CWC27: variants seen among roughly 807,000 people sequenced by gnomAD.
CWC27 encodes CWC27 spliceosome associated cyclophilin.
CWC27 carries 47 observed loss-of-function variants against 63.6 expected under a neutral mutation model. The ratio of observed to expected loss-of-function variants is 0.74; its 90% CI spans 0.58 to 0.94. The LOEUF (loss-of-function observed/expected upper bound fraction) is 0.94. CWC27 is among the 40% of genes least tolerant of loss of function. The probability of loss-of-function intolerance (pLI) is 0.00; values close to 1 mark genes in which losing one functional copy is unlikely to be tolerated. For missense variants in CWC27, 495 were observed against 554.3 expected (o/e 0.89, Z 1.07); for synonymous variants, 175 against 179.8 (o/e 0.97, Z 0.22).
intron 11 of CWC27, among the ~76,000 whole-genome samples, chr5:64,933,597 A>T (rs1315392129): frequency 6.7e-6 from 1 of 149,014 alleles, no homozygotes; most frequent in Non-Finnish European, 1.5e-5. Context: ...GGTTCAAGCT[A>T]TTCTTCTGCC....
At chr5:64,864,181 G>A (rs1406525604) in intron 10 of CWC27, among the ~76,000 whole-genome samples, 1 of 152,092 alleles carries the variant, frequency 6.6e-6, no homozygotes, top group Non-Finnish European at 1.5e-5. Context: ...TCTTTTATGA[G>A]TATTATTTAT....
At chr5:64,913,966 G>A (rs760042116) in intron 11 of CWC27, among the ~76,000 whole-genome samples, 2 of 152,068 alleles carry the variant, frequency 1.3e-5, no homozygotes, top group Non-Finnish European at 2.9e-5. Context: ...GACAGTGTGG[G>A]ATTGATATGA....
intron 13 of CWC27, among the ~76,000 whole-genome samples, chr5:65,016,909 G>C (rs941668664): frequency 2.0e-5 from 3 of 152,162 alleles, no homozygotes; most frequent in South Asian, 4.1e-4. Flanking sequence ...TCATCTGAAA[G>C]TTACAACAGG....
Position 64,786,644 on chromosome 5 carries a change from G to C in CWC27, c.599+17G>C, listed in dbSNP as rs1186712922. The C allele has an allele frequency of 7.0e-7, 1 of 1,425,000 alleles. No homozygotes were observed. Among genetic ancestry groups the C allele is most frequent in the African/African-American group, 1.5e-5 (1 of 68,546 alleles). The allele number at this position is 1,425,000 out of a possible 1,614,324, so 88.3% of individuals were successfully genotyped here. On this transcript the variant is annotated intron_variant, in intron 6 of 13. Transcript: ENST00000381070. ...AGGCACAAAGTAATCATAGTGGAGA[G>C]ATTTTTCTTCAGCTTGAAAAATGAC...
At chr5:64,779,216 G>A (rs1164825240) in intron 2 of CWC27, among the ~76,000 whole-genome samples, 2 of 152,112 alleles carry the variant, frequency 1.3e-5, no homozygotes, top group Non-Finnish European at 2.9e-5. Context: ...CAAGAAATCT[G>A]GTGAAATCTT....
At chr5:64,802,426 G>A (rs909699420) in intron 9 of CWC27, among the ~76,000 whole-genome samples, 3 of 152,186 alleles carry the variant, frequency 2.0e-5, no homozygotes, top group African/African-American at 7.2e-5. Context: ...TTCCTAAAAG[G>A]AAGTGAGGAA....
intron 11 of CWC27, among the ~76,000 whole-genome samples, chr5:64,934,688 A>G (rs1454535614): frequency 1.3e-5 from 2 of 152,206 alleles, no homozygotes; most frequent in Non-Finnish European, 2.9e-5. Flanking sequence ...ACTGTCTTCC[A>G]CAATGGTTGA....
In CWC27 at chr5:64,857,047, C is replaced by T. The variant is rs574328931; in HGVS notation, c.939-28396C>T. 1.6e-4 allele frequency among the ~76,000 whole-genome samples: 24 copies of T among 152,232 alleles called. No homozygotes were observed. The East Asian group carries it at 4.2e-3, about 27-fold the overall frequency. On this transcript the variant is annotated intron_variant, in intron 10 of 13. Transcript: ENST00000381070. ...TTTACTGCATCTTCTAGCCCATTCT[C>T]CCTGAAAAGGTACCATATTGGAGAT...
chr5:64,928,914 A>T (rs2112399633), intron 11 of CWC27, among the ~76,000 whole-genome samples: 1 of 152,172 alleles, frequency 6.6e-6, no homozygotes, highest in East Asian at 1.9e-4. Flanking sequence ...TCCACAAGGG[A>T]TGTGGAAAGA....
chr5:64,816,882 T>C (rs932480230), intron 10 of CWC27, among the ~76,000 whole-genome samples: 7 of 152,100 alleles, frequency 4.6e-5, no homozygotes, highest in Non-Finnish European at 1.5e-5. Context: ...GTCATATCAC[T>C]TTGCAACACC....
chr5:64,776,753 T>C (rs1483641199), intron 2 of CWC27, among the ~76,000 whole-genome samples: 1 of 152,122 alleles, frequency 6.6e-6, no homozygotes, highest in Non-Finnish European at 1.5e-5. Context: ...TTTCTAGATC[T>C]TGAAACACTC....
At chr5:64,986,704 C>T (rs7712745) in intron 13 of CWC27, among the ~76,000 whole-genome samples, 7,227 of 152,002 alleles carry the variant, frequency 0.048, 411 homozygotes, top group African/African-American at 0.13. Context: ...GGACTGGGCC[C>T]CCAGGAGTTT....
chr5:64,853,468 T>A (rs56189716), intron 10 of CWC27, among the ~76,000 whole-genome samples: 58,294 of 152,066 alleles, frequency 0.38, 12,011 homozygotes, highest in African/African-American at 0.53. Context: ...ATTATGGTAA[T>A]ATACATATAA....
At chr5:64,892,767 T>C (rs1314375268) in intron 11 of CWC27, among the ~76,000 whole-genome samples, 1 of 152,138 alleles carries the variant, frequency 6.6e-6, no homozygotes, top group Non-Finnish European at 1.5e-5. Flanking sequence ...ATTCCCACTA[T>C]TTCAGCTCTG....
intron 7 of CWC27, among the ~76,000 whole-genome samples, chr5:64,790,080 T>C (rs1318706135): frequency 6.6e-6 from 1 of 152,142 alleles, no homozygotes; most frequent in African/African-American, 2.4e-5. Context: ...ATGGTGTGTA[T>C]ATGAAATATT....
At chr5:64,863,721 T>C (rs1746472675) in intron 10 of CWC27, among the ~76,000 whole-genome samples, 1 of 152,174 alleles carries the variant, frequency 6.6e-6, no homozygotes, top group South Asian at 2.1e-4. Context: ...ACTCCTGGCT[T>C]CAAGTGATCC....
intron 11 of CWC27, among the ~76,000 whole-genome samples, chr5:64,944,988 C>A (rs1035693499): frequency 6.6e-6 from 1 of 152,120 alleles, no homozygotes; most frequent in African/African-American, 2.4e-5. Context: ...CCTTATACTT[C>A]TCTCTCATTC....
rs1454112648 is a variant in CWC27, at chr5:64,894,270, A to G, written c.1042+8724A>G. 2.6e-5 allele frequency among the ~76,000 whole-genome samples: 4 copies of G among 152,230 alleles called. No homozygotes were observed. In the South Asian group the frequency reaches 6.2e-4, roughly 24 times the overall value. ...AAGGAAACCTAGAGCTTGCCAGTTA[A>G]GGTGCTTACCCAATATTACAGAGCA... is the stretch of plus-strand genomic sequence containing the variant. On this transcript the variant is annotated intron_variant, in intron 11 of 13. Transcript: ENST00000381070.
chr5:65,008,374 G>A (rs773913723), intron 13 of CWC27, among the ~76,000 whole-genome samples: 1 of 152,196 alleles, frequency 6.6e-6, no homozygotes, highest in Admixed American at 6.5e-5. Context: ...CAGTCAGATA[G>A]ATGCCTAAGT....
Sources: gnomAD v4.1 joint callset for allele counts (sites outside exome capture counted in the v4.1 genomes callset) on GRCh38, gnomAD v4.1.1 for gene constraint, MANE v1.5 for transcripts, NCBI Gene and HGNC (gene_info 2026-07-23, HGNC 2026-07-21) for gene names.